Variants in PROCR observed in about 807,000 individuals in gnomAD.
PROCR encodes the protein protein C receptor.
PROCR carries 22 observed loss-of-function variants against 24.2 expected under a neutral mutation model. That is an observed-to-expected ratio of 0.91 (90% confidence interval 0.65 to 1.30). PROCR has a LOEUF of 1.30. PROCR is among the 50% of genes most tolerant of loss of function. The pLI, the probability that PROCR is intolerant of heterozygous loss-of-function variation, is 0.00. For missense variants in PROCR, 288 were observed against 307.7 expected, an observed-to-expected ratio of 0.94 and a Z score of 0.48; for synonymous variants, 137 against 139.2, an observed-to-expected ratio of 0.98 and a Z score of 0.11.
chr20:35,186,745 G>A (rs1009006883), intron 1 of PROCR, among the ~76,000 whole-genome samples: 8 of 151,350 alleles, frequency 5.3e-5, no homozygotes, highest in Non-Finnish European at 1.0e-4. Flanking sequence ...TCAGGAGATC[G>A]AGACCATCCT....
chr20:35,206,885 C>T lies in PROCR; in HGVS notation c.95-9008C>T, dbSNP rs966939516. On this transcript the variant is annotated intron_variant, in intron 1 of 1. Coordinates refer to the PROCR transcript ENST00000634509. ...ATTTATGTTCATACCAAAACCTGTA[C>T]GTGAATGTTTACAGAAGCTTTATTC... Among the ~76,000 whole-genome samples the T allele has an allele frequency of 1.1e-4, 17 of 152,120 alleles. No individual in the cohort carries two copies. In the East Asian group the frequency reaches 1.2e-3, roughly 10 times the overall value.
chr20:35,176,346 G>A lies in PROCR; in HGVS notation c.501G>A (p.Gln167=). 2 of 1,614,268 alleles carry A rather than the reference G, an allele frequency of 1.2e-6. No homozygotes were observed. The highest frequency in any genetic ancestry group is 1.7e-6 in the Non-Finnish European group (2 of 1,180,056). Residue 167 remains glutamine, a synonymous_variant, in exon 3 of 4, where the codon CAG becomes CAA. Coordinates refer to ENST00000216968, the MANE Select transcript of PROCR (RefSeq NM_006404.5). ...GAGTGGTCACCTTCACCCTGCAGCAGCTCAATGCCTACAACCGCACTCGGT... is the reference window on the plus strand; with the variant it reads ...GAGTGGTCACCTTCACCCTGCAGCAACTCAATGCCTACAACCGCACTCGGT... ...TSGVVTFTLQ[Q]LNAYNRTRYE...
intron 2 of PROCR, 109 bp downstream of exon 2, chr20:35,175,062 C>A (rs901433673): frequency 2.4e-6 from 3 of 1,275,940 alleles, no homozygotes; most frequent in Non-Finnish European, 3.1e-6. Context: ...CTTGCAGGGA[C>A]CCGGCAGCCA....
chr20:35,176,846 T>G lies in PROCR; in HGVS notation c.*33T>G. On this transcript the variant is annotated 3_prime_UTR_variant, in exon 4 of 4. Transcript: ENST00000216968. ...CCAGCCCCCTCAGAAGGGGCTGGATTGATGGAGGCTGGCAAGGGAAAGTTT... is the reference window on the plus strand; with the variant it reads ...CCAGCCCCCTCAGAAGGGGCTGGATGGATGGAGGCTGGCAAGGGAAAGTTT... The G allele has an allele frequency of 1.2e-6, 2 of 1,606,874 alleles. No individual in the cohort carries two copies. The highest frequency in any genetic ancestry group is 2.2e-5 in the South Asian group (2 of 89,686).
At chr20:35,214,105 T>A (rs879420652) in intron 1 of PROCR, among the ~76,000 whole-genome samples, 1 of 151,690 alleles carries the variant, frequency 6.6e-6, no homozygotes, top group Non-Finnish European at 1.5e-5. Context: ...TTAAAAAAAA[T>A]TAAAAAATAA....
At chr20:35,204,108 C>T (rs2060328713) in intron 1 of PROCR, among the ~76,000 whole-genome samples, 1 of 152,042 alleles carries the variant, frequency 6.6e-6, no homozygotes, top group Non-Finnish European at 1.5e-5. Flanking sequence ...ACTTCAGACC[C>T]TCCAGATATT....
chr20:35,176,970 A>C lies in PROCR; in HGVS notation c.*157A>C. ...CATCTGCCCACTGAAGATTTGAGGG[A>C]GGGGAGATGGAGAGGAGAGGTGGAC... On this transcript the variant is annotated 3_prime_UTR_variant, in exon 4 of 4. Transcript: ENST00000216968. 6.7e-7 allele frequency: 1 copy of C among 1,498,588 alleles called. No individual in the cohort carries two copies. The highest frequency in any genetic ancestry group is 8.9e-7 in the Non-Finnish European group (1 of 1,122,760). The allele number at this position is 1,498,588 out of a possible 1,614,324, so 92.8% of individuals were successfully genotyped here.
downstream of PROCR, among the ~76,000 whole-genome samples, chr20:35,178,114 G>C (rs926242943): frequency 4.6e-5 from 7 of 151,908 alleles, no homozygotes; most frequent in African/African-American, 1.7e-4. Context: ...AAGAGCATGT[G>C]TTTTGTCGGC....
At chr20:35,186,458 C>T (rs1020592339) in intron 1 of PROCR, among the ~76,000 whole-genome samples, 3 of 149,942 alleles carry the variant, frequency 2.0e-5, no homozygotes, top group Non-Finnish European at 4.4e-5. Context: ...CCCAGCTACT[C>T]GGGAGGCTGA....
intron 1 of PROCR, among the ~76,000 whole-genome samples, chr20:35,191,363 C>T (rs571222204): frequency 3.9e-5 from 6 of 152,208 alleles, no homozygotes; most frequent in Non-Finnish European, 7.4e-5. Flanking sequence ...ATGGTTCAGA[C>T]GCTGTTTTAG....
At chr20:35,191,582 A>G (rs1442996105) in intron 1 of PROCR, among the ~76,000 whole-genome samples, 1 of 152,218 alleles carries the variant, frequency 6.6e-6, no homozygotes, top group African/African-American at 2.4e-5. Flanking sequence ...CCTCTGGAAT[A>G]AGATGACAGT....
downstream of PROCR, among the ~76,000 whole-genome samples, chr20:35,178,664 C>T (rs2086050082): frequency 7.4e-6 from 1 of 134,368 alleles, no homozygotes; most frequent in South Asian, 2.5e-4. Context: ...TACAGGCGCC[C>T]GCCACTACGC....
chr20:35,193,761 T>A (rs1006802088), intron 1 of PROCR, among the ~76,000 whole-genome samples: 1 of 152,188 alleles, frequency 6.6e-6, no homozygotes, highest in African/African-American at 2.4e-5. Flanking sequence ...GAAATGCTGA[T>A]AGAATGCAGT....
At chr20:35,211,187 A>G (rs574816445) in intron 1 of PROCR, among the ~76,000 whole-genome samples, 1 of 152,292 alleles carries the variant, frequency 6.6e-6, no homozygotes, top group Non-Finnish European at 1.5e-5. Flanking sequence ...CTTTACGGCT[A>G]TTGCATACCC....
intron 1 of PROCR, among the ~76,000 whole-genome samples, chr20:35,197,766 G>A (rs1263456495): frequency 2.0e-5 from 3 of 150,250 alleles, no homozygotes; most frequent in Non-Finnish European, 4.4e-5. Context: ...GGGTCACAGT[G>A]AGCCGAGATC....
At chr20:35,198,756 C>G (rs2060308561) in intron 1 of PROCR, among the ~76,000 whole-genome samples, 1 of 151,730 alleles carries the variant, frequency 6.6e-6, no homozygotes, top group Non-Finnish European at 1.5e-5. Context: ...ACTCTGTCAC[C>G]CAGGCTGGTG....
At position 35,174,875 on chromosome 20, in the gene PROCR, A is replaced by AC. The variant is rs772467220; in HGVS notation, c.245dup (p.Gln83AlafsTer37). The stretch of plus-strand genomic sequence containing the variant: ...GCAGGAGCCCGAGAGCTGGGCGCGC[A>AC]CGCAGAGTGGCCTGCAGTCCTACCT... On this transcript the variant is annotated frameshift_variant, in exon 2 of 4. Transcript: ENST00000216968. LOFTEE classifies it high-confidence loss of function. The AC allele has an allele frequency of 8.7e-6, 14 of 1,612,634 alleles. No homozygotes were observed. The East Asian group carries it at 2.9e-4, about 33-fold the overall frequency.
At chr20:35,171,244 AT>A, upstream of PROCR, among the ~76,000 whole-genome samples, 1 of 152,330 alleles carries the variant, frequency 6.6e-6, no homozygotes, top group Admixed American at 6.5e-5. Context: ...TTACACTGCT[AT>A]CCAAAACTCA....
At chr20:35,189,800 A>G (rs1372861708) in intron 1 of PROCR, among the ~76,000 whole-genome samples, 1 of 152,190 alleles carries the variant, frequency 6.6e-6, no homozygotes, top group Non-Finnish European at 1.5e-5. Flanking sequence ...TGGTTCCCCC[A>G]ATACCCTTGT....
Sources: allele counts gnomAD v4.1 joint callset (sites outside exome capture counted in the v4.1 genomes callset), GRCh38; gene constraint gnomAD v4.1.1; transcripts MANE v1.5; gene names NCBI Gene and HGNC (gene_info 2026-07-23, HGNC 2026-07-21).